Variants in KCNH7 observed in about 807,000 individuals in gnomAD.
The protein encoded by KCNH7 is potassium voltage-gated channel subfamily H member 7.
KCNH7 carries 49 observed loss-of-function variants against 120.8 expected under a neutral mutation model. The ratio of observed to expected loss-of-function variants is 0.41; its 90% CI spans 0.32 to 0.51. The LOEUF is 0.51. Among genes scored for constraint, KCNH7 ranks in the 20% least tolerant of loss-of-function variants. KCNH7 has a pLI of 0.38. For missense variants in KCNH7, 1,097 were observed against 1,446.6 expected (o/e 0.76, Z 3.92); for synonymous variants, 547 against 516.1 (o/e 1.06, Z -0.81).
intron 2 of KCNH7, among the ~76,000 whole-genome samples, chr2:162,648,599 T>C (rs975787099): frequency 6.6e-6 from 1 of 152,212 alleles, no homozygotes; most frequent in Non-Finnish European, 1.5e-5. Context: ...CTTTTGCTTA[T>C]GCTTTTTCTC....
chr2:162,703,739 T>C (rs1686596252), intron 2 of KCNH7, among the ~76,000 whole-genome samples: 1 of 152,132 alleles, frequency 6.6e-6, no homozygotes, highest in African/African-American at 2.4e-5. Flanking sequence ...AGAACTAACA[T>C]TGACTTTTTC....
At position 162,371,568 on chromosome 2, in the gene KCNH7, T is replaced by A; in HGVS notation, c.*261A>T. ...AAATTGGAGTTTCCTAACATGCATGTGATTTAAAAAATAAAAATAAAAAAT... is the reference window on the plus strand; with the variant it reads ...AAATTGGAGTTTCCTAACATGCATGAGATTTAAAAAATAAAAATAAAAAAT... On this transcript the variant is annotated 3_prime_UTR_variant, in exon 16 of 16. Transcript: ENST00000332142. 1 of 857,340 alleles carries A rather than the reference T, an allele frequency of 1.2e-6. No individual in the cohort carries two copies. Among genetic ancestry groups the A allele is most frequent in the Non-Finnish European group, 1.6e-6 (1 of 629,456 alleles). 53.1% of individuals were successfully genotyped at this position (857,340 alleles called of 1,614,324 possible).
At chr2:162,797,992 T>C (rs901932295) in intron 2 of KCNH7, 1 of 152,086 alleles carries the variant, frequency 6.6e-6, no homozygotes, top group Non-Finnish European at 1.5e-5. Context: ...CCACACTTGA[T>C]AAAATTAAGA....
intron 2 of KCNH7, among the ~76,000 whole-genome samples, chr2:162,698,941 C>T (rs934136785): frequency 1.3e-5 from 2 of 152,044 alleles, no homozygotes; most frequent in African/African-American, 4.8e-5. Context: ...GGCATATTTG[C>T]AGTTTTATTA....
intron 2 of KCNH7, among the ~76,000 whole-genome samples, chr2:162,564,006 T>C (rs1278411640): frequency 6.6e-6 from 1 of 152,190 alleles, no homozygotes; most frequent in Non-Finnish European, 1.5e-5. Context: ...CATTCTTTAA[T>C]AGCAATAAAC....
intron 2 of KCNH7, among the ~76,000 whole-genome samples, chr2:162,747,567 T>A (rs1688357685): frequency 6.6e-6 from 1 of 152,168 alleles, no homozygotes; most frequent in South Asian, 2.1e-4. Flanking sequence ...ACAGCGAATG[T>A]GTAGGCAGAA....
At chr2:162,727,184 A>C (rs1457966926) in intron 2 of KCNH7, among the ~76,000 whole-genome samples, 6 of 152,194 alleles carry the variant, frequency 3.9e-5, no homozygotes, top group Non-Finnish European at 8.8e-5. Context: ...AATAGCTTTT[A>C]TGCTCTCTAC....
chr2:162,530,238 T>C (rs1268966249), intron 3 of KCNH7, among the ~76,000 whole-genome samples: 2 of 152,018 alleles, frequency 1.3e-5, no homozygotes, highest in Non-Finnish European at 2.9e-5. Flanking sequence ...TTTTCTACTG[T>C]GTATTTCCCT....
intron 5 of KCNH7, among the ~76,000 whole-genome samples, chr2:162,507,932 C>T (rs1478332032): frequency 6.6e-6 from 1 of 151,478 alleles, no homozygotes; most frequent in Non-Finnish European, 1.5e-5. Context: ...GGAATACTTT[C>T]TCATGTACTT....
chr2:162,700,265 C>A (rs531914547), intron 2 of KCNH7, among the ~76,000 whole-genome samples: 2 of 152,256 alleles, frequency 1.3e-5, no homozygotes, highest in East Asian at 1.9e-4. Flanking sequence ...ATTCTGAGTA[C>A]CACTGTAGGA....
intron 2 of KCNH7, among the ~76,000 whole-genome samples, chr2:162,699,670 A>G (rs1166802896): frequency 6.6e-6 from 1 of 152,090 alleles, no homozygotes; most frequent in African/African-American, 2.4e-5. Context: ...CATGTCTTTT[A>G]TTTGCTTTTA....
At chr2:162,489,802 T>C (rs1410344890) in intron 6 of KCNH7, among the ~76,000 whole-genome samples, 1 of 152,170 alleles carries the variant, frequency 6.6e-6, no homozygotes, top group African/African-American at 2.4e-5. Flanking sequence ...GGAATTTCTG[T>C]TTTGCTGAAC....
intron 2 of KCNH7, among the ~76,000 whole-genome samples, chr2:162,566,488 A>G (rs909061849): frequency 2.6e-5 from 4 of 152,070 alleles, no homozygotes; most frequent in African/African-American, 9.7e-5. Context: ...GCTTAAATCA[A>G]GTGAGTTGTC....
At chr2:162,529,983 C>T (rs1691859612) in intron 3 of KCNH7, among the ~76,000 whole-genome samples, 1 of 151,810 alleles carries the variant, frequency 6.6e-6, no homozygotes, top group Non-Finnish European at 1.5e-5. Context: ...TCTGTATTTG[C>T]TTCATTTCAG....
chr2:162,620,173 T>G (rs34515686), intron 2 of KCNH7, among the ~76,000 whole-genome samples: 75,607 of 148,484 alleles, frequency 0.51, 19,310 homozygotes, highest in Middle Eastern at 0.62. Flanking sequence ...GAGAGAGAGA[T>G]AGATATTTTT....
rs11896044 is a variant in KCNH7 at position 162,747,137 on chromosome 2, G to C, written c.307+89400C>G. ...TCAACTCCAGACTGTAGCAGACTGA[G>C]TATTCCATTGAATGGAGAAGGAGCT... On this transcript the variant is annotated intron_variant, in intron 2 of 15. Transcript: ENST00000332142. 4.8e-3 allele frequency among the ~76,000 whole-genome samples: 728 copies of C among 152,220 alleles called. 5 individuals are homozygous for C. Among genetic ancestry groups the C allele is most frequent in the Middle Eastern group, 0.02 (6 of 294 alleles).
intron 2 of KCNH7, among the ~76,000 whole-genome samples, chr2:162,722,813 C>CTTTTTTTTTCTT (rs1553517924): frequency 1.6e-4 from 14 of 85,112 alleles, no homozygotes; most frequent in African/African-American, 8.5e-4. Flanking sequence ...TTCTTTTTTT[C>CTTTTTTTTTCTT]TTTTTTTTTT....
intron 2 of KCNH7, among the ~76,000 whole-genome samples, chr2:162,568,070 A>G (rs1480110113): frequency 6.6e-6 from 1 of 151,994 alleles, no homozygotes; most frequent in Non-Finnish European, 1.5e-5. Flanking sequence ...CTTAACAATC[A>G]TGGTGGAAAG....
chr2:162,623,369 G>T (rs1449926383), intron 2 of KCNH7, among the ~76,000 whole-genome samples: 1 of 152,126 alleles, frequency 6.6e-6, no homozygotes, highest in Non-Finnish European at 1.5e-5. Flanking sequence ...CTTAGTATTA[G>T]TAATTTCATA....
Sources: gnomAD v4.1 joint callset for allele counts (sites outside exome capture counted in the v4.1 genomes callset) on GRCh38, gnomAD v4.1.1 for gene constraint, MANE v1.5 for transcripts, NCBI Gene and HGNC (gene_info 2026-07-23, HGNC 2026-07-21) for gene names.